The following DMD variants were observed in gnomAD, a reference collection of about 807,000 sequenced individuals.
DMD encodes mutant dystrophin.
Under a neutral mutation model 330.1 loss-of-function variants are expected in DMD, and 63 were observed. That is an observed-to-expected ratio of 0.19 (90% CI 0.16 to 0.24). The LOEUF (loss-of-function observed/expected upper bound fraction) is 0.24. DMD is among the 10% of genes least tolerant of loss of function. The pLI is 1.00. For missense variants in DMD, 3,344 were observed against 2,684.1 expected (o/e 1.25, Z -5.43); for synonymous variants, 1,223 against 959.8 (o/e 1.27, Z -5.07).
intron 57 of DMD, among the ~76,000 whole-genome samples, chrX:31,490,750 C>T (rs2069225599): frequency 9.0e-6 from 1 of 111,657 alleles, no homozygotes; most frequent in South Asian, 3.7e-4. Context: ...ACAGAAAACT[C>T]GTCAAGCTAA....
intron 72 of DMD, among the ~76,000 whole-genome samples, chrX:31,173,006 T>C (rs1276992070): frequency 1.8e-5 from 2 of 111,861 alleles, no homozygotes; most frequent in Non-Finnish European, 3.8e-5. Flanking sequence ...CTCTTACGGA[T>C]TTAACAAGCA....
At chrX:31,411,818 G>C (rs748940604) in intron 60 of DMD, among the ~76,000 whole-genome samples, 106 of 109,233 alleles carry the variant, frequency 9.7e-4, no homozygotes, top group Middle Eastern at 4.6e-3. Flanking sequence ...ACTTTTAGTA[G>C]AGACAGGGTT....
At chrX:32,031,856 T>C (rs754696319) in intron 44 of DMD, among the ~76,000 whole-genome samples, 12 of 112,196 alleles carry the variant, frequency 1.1e-4, no homozygotes, top group East Asian at 2.8e-4. Context: ...TAATTTTTCA[T>C]ATTTAAAATT....
intron 11 of DMD, among the ~76,000 whole-genome samples, chrX:32,617,834 G>A (rs754187283): frequency 9.0e-6 from 1 of 110,958 alleles, no homozygotes; most frequent in East Asian, 2.8e-4. Context: ...ATCTGATGGG[G>A]GTTCATATAA....
chrX:32,115,220 C>T (rs2096605388), intron 44 of DMD, among the ~76,000 whole-genome samples: 1 of 111,188 alleles, frequency 9.0e-6, no homozygotes, highest in South Asian at 3.8e-4. Flanking sequence ...CATCTAAGGG[C>T]CTATGACTGC....
chrX:31,157,720 C>T (rs193258665), intron 74 of DMD, among the ~76,000 whole-genome samples: 1 of 111,212 alleles, frequency 9.0e-6, no homozygotes, highest in African/African-American at 3.3e-5. Flanking sequence ...ATTTTTCACT[C>T]CCTGGCATGC....
At chrX:32,236,974 C>G (rs757906149) in intron 43 of DMD, among the ~76,000 whole-genome samples, 3 of 110,832 alleles carry the variant, frequency 2.7e-5, no homozygotes, top group Non-Finnish European at 5.7e-5. Flanking sequence ...TGACATAAAT[C>G]CTTTATTGTT....
intron 60 of DMD, among the ~76,000 whole-genome samples, chrX:31,375,517 A>C (rs1452658716): frequency 9.0e-6 from 1 of 111,710 alleles, no homozygotes; most frequent in East Asian, 2.8e-4. Context: ...GAATAAAACG[A>C]GATCATGTGC....
chrX:31,562,999 C>A (rs139344773), intron 55 of DMD, among the ~76,000 whole-genome samples: 214 of 112,162 alleles, frequency 1.9e-3, no homozygotes, highest in Non-Finnish European at 3.3e-3. Context: ...CACCTTTATT[C>A]CTTGAATTAA....
At chrX:32,610,044 TC>T (rs1408140043) in intron 12 of DMD, among the ~76,000 whole-genome samples, 3 of 111,493 alleles carry the variant, frequency 2.7e-5, no homozygotes, top group African/African-American at 9.7e-5. Flanking sequence ...TCAAGGCTTT[TC>T]CTCCTCAATA....
chrX:32,580,532 A>G (rs748229207), intron 13 of DMD, among the ~76,000 whole-genome samples: 1 of 111,992 alleles, frequency 8.9e-6, no homozygotes, highest in East Asian at 2.8e-4. Context: ...TGCTAGGGTC[A>G]GATAGATCAA....
At chrX:33,296,743 A>G (rs1309586812) in intron 1 of DMD, among the ~76,000 whole-genome samples, 3 of 111,110 alleles carry the variant, frequency 2.7e-5, no homozygotes, top group East Asian at 5.6e-4. Context: ...TTGGTTTTAT[A>G]TAACATATAC....
intron 7 of DMD, among the ~76,000 whole-genome samples, chrX:32,706,418 G>C (rs1413868863): frequency 9.1e-6 from 1 of 110,337 alleles, no homozygotes; most frequent in Non-Finnish European, 1.9e-5. Flanking sequence ...GCTGGGCATG[G>C]TGATACACGC....
intron 1 of DMD, among the ~76,000 whole-genome samples, chrX:33,069,988 G>T (rs1437973856): frequency 9.0e-6 from 1 of 111,368 alleles, no homozygotes; most frequent in Non-Finnish European, 1.9e-5. Flanking sequence ...GATTTACATT[G>T]CCAGGAAATC....
chrX:32,622,775 TC>T (rs2058083384), intron 11 of DMD, among the ~76,000 whole-genome samples: 1 of 111,306 alleles, frequency 9.0e-6, no homozygotes, highest in Non-Finnish European at 1.9e-5. Context: ...CCCCCCGGGG[TC>T]TTGATCACAG....
intron 1 of DMD, among the ~76,000 whole-genome samples, chrX:33,083,167 G>C (rs1029777627): frequency 9.0e-6 from 1 of 111,572 alleles, no homozygotes. Context: ...GGCGTCTTAC[G>C]ACCCTGCTTG....
At chrX:33,288,985 C>T (rs113133886) in intron 1 of DMD, among the ~76,000 whole-genome samples, 1,844 of 111,431 alleles carry the variant, frequency 0.017, 36 homozygotes, top group African/African-American at 0.057. Context: ...AACAGGAAGA[C>T]GAGACTGTGA....
chrX:32,878,421 A>C (rs1281512908), intron 2 of DMD, among the ~76,000 whole-genome samples: 1 of 111,816 alleles, frequency 8.9e-6, no homozygotes, highest in Non-Finnish European at 1.9e-5. Context: ...TTAATCTTTA[A>C]CTTCGACAGA....
chrX:31,423,794 G>A (rs952067777), intron 60 of DMD, among the ~76,000 whole-genome samples: 2 of 111,412 alleles, frequency 1.8e-5, no homozygotes, highest in Non-Finnish European at 3.8e-5. Flanking sequence ...CTCAGGGACG[G>A]CAAATTAGGC....
Sources: allele counts gnomAD v4.1 joint callset (sites outside exome capture counted in the v4.1 genomes callset), GRCh38; gene constraint gnomAD v4.1.1; transcripts MANE v1.5; gene names NCBI Gene and HGNC (gene_info 2026-07-23, HGNC 2026-07-21).